ZP4: variants seen among roughly 807,000 people sequenced by gnomAD.
The protein encoded by ZP4 is zona pellucida glycoprotein 4.
ZP4 carries 62 observed loss-of-function variants against 62.3 expected under a neutral mutation model. The observed-to-expected ratio is 0.99, with a 90% CI of 0.81 to 1.23. The LOEUF (loss-of-function observed/expected upper bound fraction) is 1.23, where lower values mean the gene tolerates loss of function less well. ZP4 is among the 50% of genes most tolerant of loss of function. ZP4 has a pLI of 0.00. For missense variants in ZP4, 774 were observed against 656.0 expected (o/e 1.18, Z -1.97); for synonymous variants, 289 against 247.3 (o/e 1.17, Z -1.58).
intron 10 of ZP4, 23 bp downstream of exon 10, chr1:237,884,746 C>A: frequency 6.2e-7 from 1 of 1,608,274 alleles, no homozygotes. Flanking sequence ...TCAAATCTGT[C>A]CTCTAACAGC....
intron 10 of ZP4, 86 bp from the exon 11 acceptor site, chr1:237,882,932 T>C: frequency 1.7e-6 from 2 of 1,150,332 alleles, no homozygotes; most frequent in Non-Finnish European, 2.5e-6. Flanking sequence ...AGGCCAAGTG[T>C]CTCTATAAAG....
rs1300435485 is a variant in ZP4, at chr1:237,884,033, A to AACACAC, written c.1390+730_1390+735dup. Among the ~76,000 whole-genome samples, 269 of 80,406 alleles carry AACACAC rather than the reference A, an allele frequency of 3.3e-3. 1 individual carries two copies. Among genetic ancestry groups the AACACAC allele is most frequent in the Non-Finnish European group, 3.9e-3 (158 of 40,318 alleles). 52.7% of individuals were successfully genotyped at this position (80,406 alleles called of 152,430 possible). A position where few individuals can be genotyped will look rare whatever the true frequency, so the allele number is the denominator to read the frequency against. On this transcript the variant is annotated intron_variant, in intron 10 of 11. Coordinates refer to ENST00000366570, the MANE Select transcript of ZP4 (RefSeq NM_021186.5). Reference sequence around the variant, plus strand: ...ACACACACAAACACACACACACACAAACACACACAAACACACACAAACACA... The same window carrying AACACAC: ...ACACACACAAACACACACACACACAAACACACACACACACAAACACACACAAACACA...
chr1:237,886,866 G>C lies in ZP4; in HGVS notation c.744C>G (p.Ile248Met), dbSNP rs1290698879. ...TTTCATATACTGCTCGGTCTCCAGT[G>C]ATCTACAGGAATAGATGGAGAAGTC... The part of the protein sequence containing the change: ...PFTSCGTTRQ[I>M]TGDRAVYENE... Residue 248 changes from isoleucine (I) to methionine (M), a missense_variant and splice_region_variant, in exon 6 of 12, where the codon ATC (isoleucine) becomes ATG (methionine). Transcript: ENST00000366570. 1 of 1,612,406 alleles carries C rather than the reference G, an allele frequency of 6.2e-7. No individual in the cohort carries two copies. Among genetic ancestry groups the C allele is most frequent in the Non-Finnish European group, 8.5e-7 (1 of 1,178,770 alleles).
Position 237,890,659 on chromosome 1 carries a change from G to A in ZP4, c.-24C>T, listed in dbSNP as rs1325105964. On this transcript the variant is annotated 5_prime_UTR_variant, in exon 1 of 12. Transcript: ENST00000366570. ...ATAATGCTACCAGGAGTTCCTGCCG[G>A]CTGCAGACTCTCCGCCTCCTCTCCC... is the stretch of plus-strand genomic sequence containing the variant. 2.5e-6 allele frequency: 4 copies of A among 1,602,636 alleles called. No individual in the cohort carries two copies. The highest frequency in any genetic ancestry group is 1.3e-5 in the African/African-American group (1 of 74,650).
Position 237,887,520 on chromosome 1 carries a change from C to A in ZP4, c.595G>T (p.Val199Leu). 1 of 1,614,200 alleles carries A rather than the reference C, an allele frequency of 6.2e-7. No homozygotes were observed. The highest frequency in any genetic ancestry group is 8.5e-7 in the Non-Finnish European group (1 of 1,180,032). ...CTREGHFSIA[V>L]SRNVTSPPLL... The stretch of plus-strand genomic sequence containing the variant: ...GGTGGCGAGGTCACGTTCCGAGACA[C>A]AGCAATAGAGAAATGGCCCTCTCGG... The change falls in exon 5 of 12, where the codon GTG (valine) becomes TTG (leucine). Residue 199 changes from valine (V) to leucine (L), a missense_variant. By Grantham distance (32) the Val-to-Leu change is conservative. Transcript: ENST00000366570.
intron 10 of ZP4, among the ~76,000 whole-genome samples, chr1:237,884,037 C>A (rs1190819075): frequency 2.3e-4 from 28 of 119,172 alleles, no homozygotes; most frequent in African/African-American, 4.9e-4. Context: ...CACACAAACA[C>A]ACACAAACAC....
Position 237,885,272 on chromosome 1 carries a change from C to T in ZP4, c.1204G>A (p.Val402Ile). Residue 402 changes from valine (V) to isoleucine (I), a missense_variant, in exon 9 of 12, where the codon GTC becomes ATC. Transcript: ENST00000366570. Reference protein sequence around the residue: ...GDNYQTQLIPVQKALDLPFPS... With the variant: ...GDNYQTQLIPIQKALDLPFPS... ...AATGGAAGATCCAAGGCTTTCTGGA[C>T]AGGGATCAGCTGGGTCTGATAGTTG... 1 of 1,614,152 alleles carries T rather than the reference C, an allele frequency of 6.2e-7. No individual in the cohort carries two copies. The highest frequency in any genetic ancestry group is 8.5e-7 in the Non-Finnish European group (1 of 1,180,022).
At chr1:237,883,983 A>ACACACACAAACAC (rs1665013477) in intron 10 of ZP4, among the ~76,000 whole-genome samples, 21 of 42,336 alleles carry the variant, frequency 5.0e-4, no homozygotes, top group South Asian at 8.6e-4. Context: ...CACACACACA[A>ACACACACAAACAC]ACACACACAC....
chr1:237,890,139 G>A lies in ZP4; in HGVS notation c.213C>T (p.Ser71=), dbSNP rs749178427. 40 of 1,613,924 alleles carry A rather than the reference G, an allele frequency of 2.5e-5. No individual in the cohort carries two copies. The highest frequency in any genetic ancestry group is 3.2e-5 in the Non-Finnish European group (38 of 1,180,016). The change falls in exon 2 of 12, where the codon TCC becomes TCT. Residue 71 remains serine (S), a synonymous_variant. Coordinates refer to ENST00000366570, the MANE Select transcript of ZP4 (RefSeq NM_021186.5). Reference sequence around the variant, plus strand: ...CTTTTCTTATCCAGGTGCCACAGTCGGAGTCATTCTGCAGCTCGTGCAGCA... The same window carrying A: ...CTTTTCTTATCCAGGTGCCACAGTCAGAGTCATTCTGCAGCTCGTGCAGCA... ...QGLLHELQND[S]DCGTWIRKGP...
chr1:237,883,301 G>A (rs1463532765), intron 10 of ZP4, among the ~76,000 whole-genome samples: 1 of 151,928 alleles, frequency 6.6e-6, no homozygotes, highest in African/African-American at 2.4e-5. Flanking sequence ...AAGAAAGATG[G>A]CAAGATGGCA....
chr1:237,887,594 A>C (rs749936813), intron 4 of ZP4, 33 bp from the exon 5 acceptor site: 25 of 1,598,902 alleles, frequency 1.6e-5, no homozygotes, highest in Non-Finnish European at 2.1e-5. Flanking sequence ...AAGGCAGGTC[A>C]TCTCTCCCAT....
Position 237,883,267 on chromosome 1 carries a change from G to A in ZP4, c.1391-421C>T, listed in dbSNP as rs562469369. 1.1e-4 allele frequency among the ~76,000 whole-genome samples: 17 copies of A among 152,106 alleles called. No individual in the cohort carries two copies. In the South Asian group the frequency reaches 2.1e-3, roughly 19 times the overall value. The stretch of plus-strand genomic sequence containing the variant: ...ATTCACTTGAAATATACAGTTTTAC[G>A]TTTTCTGTATCCTATGTTTTATTAA... On this transcript the variant is annotated intron_variant, in intron 10 of 11. Coordinates refer to ENST00000366570, the MANE Select transcript of ZP4 (RefSeq NM_021186.5).
intron 10 of ZP4, among the ~76,000 whole-genome samples, chr1:237,884,029 CACA>C (rs1665030788): frequency 1.1e-5 from 1 of 94,046 alleles, no homozygotes; most frequent in Non-Finnish European, 2.2e-5. Context: ...CACACACACA[CACA>C]AACACACACA....
Position 237,883,743 on chromosome 1 carries a change from G to GAGAGAGGA in ZP4, c.1391-898_1391-897insTCCTCTCT, listed in dbSNP as rs1558530190. ...GGAGGGCGGGGGAGGGAGAGAGAGG[G>GAGAGAGGA]AGAGAGAGGGAGAGAGAGGGAGAGA... On this transcript the variant is annotated intron_variant, in intron 10 of 11. Coordinates refer to ENST00000366570, the MANE Select transcript of ZP4 (RefSeq NM_021186.5). 1.2e-3 allele frequency among the ~76,000 whole-genome samples: 69 copies of GAGAGAGGA among 56,534 alleles called. 9 individuals carry two copies. In the East Asian group the frequency reaches 0.012, roughly 10 times the overall value. The allele number at this position is 56,534 out of a possible 152,430, so 37.1% of individuals were successfully genotyped here.
At position 237,882,487 on chromosome 1, in the gene ZP4, C is replaced by T; in HGVS notation, c.1558G>A (p.Ala520Thr). 1 of 1,609,928 alleles carries T rather than the reference C, an allele frequency of 6.2e-7. No individual in the cohort carries two copies. Among genetic ancestry groups the T allele is most frequent in the Non-Finnish European group, 8.5e-7 (1 of 1,179,098 alleles). The change falls in exon 12 of 12, where the codon GCC becomes ACC. Residue 520 changes from alanine to threonine, a missense_variant. By Grantham distance (58) the Ala-to-Thr change is moderately conservative. Transcript: ENST00000366570. The stretch of plus-strand genomic sequence containing the variant: ...ACAGCCAAGTAGGATACTAACAAGG[C>T]TCCAAGGATTAAGGTCCCAGAAAGG... ...AGLSGTLILG[A>T]LLVSYLAVKK...
At chr1:237,887,635 C>CT in intron 4 of ZP4, 74 bp from the exon 5 acceptor site, 1 of 1,480,892 alleles carries the variant, frequency 6.8e-7, no homozygotes, top group South Asian at 1.3e-5. Context: ...AGTCTAACCA[C>CT]TTAGTTACTT....
chr1:237,889,315 A>ATTTTTTT (rs11348205), intron 3 of ZP4, among the ~76,000 whole-genome samples: 3 of 125,758 alleles, frequency 2.4e-5, no homozygotes, highest in Non-Finnish European at 1.7e-5. Flanking sequence ...GATAGGTTGT[A>ATTTTTTT]TTTTTTTTTT....
rs564133378 is a variant in ZP4 at position 237,883,441 on chromosome 1, G to A, written c.1391-595C>T. Among the ~76,000 whole-genome samples the A allele has an allele frequency of 2.9e-4, 44 of 151,426 alleles. 1 individual carries two copies. The highest frequency in any genetic ancestry group is 1.8e-3 in the Admixed American group (28 of 15,220). The stretch of plus-strand genomic sequence containing the variant: ...TAAAAAAATAAGACAAAGGCCGGGC[G>A]TGGTGGCTCATGCCTGTAATCCCAA... On this transcript the variant is annotated intron_variant, in intron 10 of 11. Coordinates refer to ENST00000366570, the MANE Select transcript of ZP4 (RefSeq NM_021186.5).
rs757642012 is a variant in ZP4, at chr1:237,886,787, G to A, written c.823C>T (p.Arg275Cys). ...AGCCCTTACCTGAAGATGCTGTCAC[G>A]AGTGACAGAGCCACGGCTCCCATTT... is the stretch of plus-strand genomic sequence containing the variant. ...VKNGSRGSVT[R>C]DSIFRLHVSC... The change falls in exon 6 of 12, where the codon CGT becomes TGT. Residue 275 changes from arginine (R) to cysteine (C), a missense_variant. Coordinates refer to ENST00000366570, the MANE Select transcript of ZP4 (RefSeq NM_021186.5). 3.1e-6 allele frequency: 5 copies of A among 1,613,568 alleles called. No individual in the cohort carries two copies. The highest frequency in any genetic ancestry group is 2.7e-5 in the African/African-American group (2 of 74,884).
Sources: allele counts gnomAD v4.1 joint callset (sites outside exome capture counted in the v4.1 genomes callset), GRCh38; gene constraint gnomAD v4.1.1; transcripts MANE v1.5; gene names NCBI Gene and HGNC (gene_info 2026-07-23, HGNC 2026-07-21).